The following PLXDC1 variants were observed in gnomAD, a reference collection of about 807,000 sequenced individuals.
PLXDC1 encodes plexin domain containing 1, also known as plexin domain-containing protein 1.
A neutral mutation model predicts 61.3 loss-of-function variants in PLXDC1; 39 were observed. That is an observed-to-expected ratio of 0.64 (90% confidence interval 0.49 to 0.83). The LOEUF is 0.83. Among genes scored for constraint, PLXDC1 ranks in the 40% least tolerant of loss-of-function variants. The pLI is 0.00. For missense variants in PLXDC1, 596 were observed against 666.5 expected (o/e 0.89, Z 1.17); for synonymous variants, 212 against 254.5 (o/e 0.83, Z 1.59).
intron 7 of PLXDC1, among the ~76,000 whole-genome samples, chr17:39,096,551 G>A (rs1647211306): frequency 1.3e-5 from 2 of 152,184 alleles, no homozygotes; most frequent in South Asian, 4.1e-4. Flanking sequence ...CTGGCAGGAA[G>A]GTACACACAG....
At chr17:39,152,592 C>T (rs1171236002), upstream of PLXDC1, 2 of 1,250,748 alleles carry the variant, frequency 1.6e-6, no homozygotes, top group African/African-American at 1.6e-5. Context: ...GAGTGGGAGA[C>T]GGGGTGAGGG....
intron 4 of PLXDC1, chr17:39,108,474 G>T: frequency 3.5e-6 from 2 of 572,472 alleles, no homozygotes; most frequent in Admixed American, 3.0e-5. Flanking sequence ...AGACTATAGG[G>T]CGAGGGGGCA....
intron 1 of PLXDC1, among the ~76,000 whole-genome samples, chr17:39,147,482 T>G (rs570751360): frequency 1.3e-5 from 2 of 152,288 alleles, no homozygotes; most frequent in African/African-American, 4.8e-5. Context: ...GGACCAGCTT[T>G]CAGAGGGGCC....
At chr17:39,089,311 C>G (rs1225456665) in intron 7 of PLXDC1, among the ~76,000 whole-genome samples, 3 of 152,166 alleles carry the variant, frequency 2.0e-5, no homozygotes, top group Non-Finnish European at 2.9e-5. Flanking sequence ...AATCAGAGAC[C>G]TCCCCTGGGA....
intron 9 of PLXDC1, chr17:39,079,745 C>T (rs1427821799): frequency 2.8e-6 from 1 of 353,096 alleles, no homozygotes; most frequent in Admixed American, 3.8e-5. Context: ...TGACGATGCA[C>T]CAGAGAATGT....
chr17:39,132,387 C>T (rs928940701), intron 2 of PLXDC1, among the ~76,000 whole-genome samples: 4 of 151,994 alleles, frequency 2.6e-5, no homozygotes, highest in Admixed American at 6.6e-5. Flanking sequence ...CTCCCGTCCC[C>T]GAAACGCCCA....
chr17:39,145,794 C>G (rs530296526), intron 1 of PLXDC1, among the ~76,000 whole-genome samples: 65 of 152,302 alleles, frequency 4.3e-4, no homozygotes, highest in African/African-American at 1.5e-3. Context: ...AACCCTGAAT[C>G]TACCACCTAC....
intron 7 of PLXDC1, among the ~76,000 whole-genome samples, chr17:39,089,072 G>A (rs1212998704): frequency 2.0e-5 from 3 of 152,124 alleles, no homozygotes; most frequent in Non-Finnish European, 2.9e-5. Context: ...CAGACAGCCA[G>A]GAATTGAGCT....
intron 2 of PLXDC1, among the ~76,000 whole-genome samples, chr17:39,129,647 G>A (rs1597656616): frequency 1.6e-5 from 2 of 128,286 alleles, no homozygotes; most frequent in Non-Finnish European, 3.4e-5. Context: ...GAAAGAGAGA[G>A]AGAGAGAGAG....
At chr17:39,134,218 C>A (rs1911658796) in intron 2 of PLXDC1, among the ~76,000 whole-genome samples, 1 of 149,240 alleles carries the variant, frequency 6.7e-6, no homozygotes, top group South Asian at 2.1e-4. Context: ...CGTGCCACTG[C>A]ACTACAGCCT....
At chr17:39,111,243 C>G (rs1307601884) in intron 2 of PLXDC1, among the ~76,000 whole-genome samples, 2 of 152,176 alleles carry the variant, frequency 1.3e-5, no homozygotes, top group Non-Finnish European at 2.9e-5. Flanking sequence ...CTCGCCTTCT[C>G]CCCTTGACAG....
At chr17:39,069,639 C>T (rs1909033640) in intron 13 of PLXDC1, among the ~76,000 whole-genome samples, 1 of 152,124 alleles carries the variant, frequency 6.6e-6, no homozygotes, top group African/African-American at 2.4e-5. Flanking sequence ...GGCTGTTCCA[C>T]AGGACAGGAG....
intron 2 of PLXDC1, among the ~76,000 whole-genome samples, chr17:39,129,078 G>A (rs183074147): frequency 2.5e-3 from 381 of 152,184 alleles, no homozygotes; most frequent in African/African-American, 9.0e-3. Flanking sequence ...AGCACTTTGG[G>A]AGGCCAAGAC....
rs755920180 is a variant in PLXDC1 at position 39,149,474 on chromosome 17, C to A, written c.76+1888G>T. On this transcript the variant is annotated intron_variant, in intron 1 of 13. Transcript: ENST00000315392. ...TCCCACCTGGCCTGTGAAAAGGGCA[C>A]CGGACTGGGAGTCAACAGCTGCCGC... is the stretch of plus-strand genomic sequence containing the variant. Among the ~76,000 whole-genome samples the A allele has an allele frequency of 6.6e-4, 100 of 152,264 alleles. 1 individual carries two copies. The highest frequency in any genetic ancestry group is 1.0e-3 in the Non-Finnish European group (71 of 68,024).
chr17:39,107,871 A>G, intron 5 of PLXDC1: 1 of 577,148 alleles, frequency 1.7e-6, no homozygotes, highest in South Asian at 2.1e-5. Context: ...AAGTAACAAT[A>G]AAGGCCCCTA....
intron 7 of PLXDC1, among the ~76,000 whole-genome samples, chr17:39,093,851 C>T (rs912406454): frequency 1.3e-5 from 2 of 152,084 alleles, no homozygotes; most frequent in East Asian, 1.9e-4. Context: ...CAGTAACTGC[C>T]GGGTGTCTAC....
intron 13 of PLXDC1, among the ~76,000 whole-genome samples, 168 bp downstream of exon 13, chr17:39,069,688 A>G (rs566012722): frequency 7.4e-4 from 112 of 152,320 alleles, no homozygotes; most frequent in African/African-American, 2.6e-3. Context: ...ATCAGGGTGC[A>G]GGACTTAACG....
chr17:39,123,568 G>A (rs1323289009), intron 2 of PLXDC1, among the ~76,000 whole-genome samples: 1 of 152,158 alleles, frequency 6.6e-6, no homozygotes, highest in African/African-American at 2.4e-5. Context: ...CCCAGTGCCT[G>A]GCCCACAGGA....
chr17:39,148,004 C>G (rs570617609), intron 1 of PLXDC1, among the ~76,000 whole-genome samples: 4 of 152,024 alleles, frequency 2.6e-5, no homozygotes, highest in African/African-American at 9.7e-5. Flanking sequence ...GAGGAGGGTC[C>G]CCTTGAGCTG....
Sources: allele counts gnomAD v4.1 joint callset (sites outside exome capture counted in the v4.1 genomes callset), GRCh38; gene constraint gnomAD v4.1.1; transcripts MANE v1.5; gene names NCBI Gene and HGNC (gene_info 2026-07-23, HGNC 2026-07-21).